Variants in PCDHGA4 observed in about 807,000 individuals in gnomAD.
PCDHGA4 encodes protocadherin gamma-A4.
A neutral mutation model predicts 54.6 loss-of-function variants in PCDHGA4; 38 were observed. The observed-to-expected ratio is 0.70, with a 90% CI of 0.54 to 0.91. The LOEUF is 0.91. PCDHGA4 is among the 40% of genes least tolerant of loss of function. The pLI, the probability that PCDHGA4 is intolerant of heterozygous loss-of-function variation, is 0.00. For synonymous variants in PCDHGA4, 511 were observed against 512.9 expected (o/e 1.00, Z 0.05); for missense variants, 1,298 against 1,220.9 (o/e 1.06, Z -0.94).
At chr5:141,392,005 T>A (rs1323895692) in intron 1 of PCDHGA4, 1 of 152,198 alleles carries the variant, frequency 6.6e-6, no homozygotes, top group African/African-American at 2.4e-5. Context: ...AAAACTGCAA[T>A]GGTAAAAGCA....
At chr5:141,429,848 C>T (rs567448097) in intron 1 of PCDHGA4, among the ~76,000 whole-genome samples, 25 of 152,228 alleles carry the variant, frequency 1.6e-4, no homozygotes, top group African/African-American at 5.8e-4. Context: ...AAGTCTGTAA[C>T]ATTCTTTGGA....
intron 1 of PCDHGA4, chr5:141,422,964 G>A: frequency 1.2e-6 from 2 of 1,614,190 alleles, no homozygotes; most frequent in Non-Finnish European, 1.7e-6. Flanking sequence ...TGGAGCTGGC[G>A]CCCCGCTCTG....
intron 1 of PCDHGA4, chr5:141,414,452 T>C (rs767824112): frequency 6.2e-7 from 1 of 1,613,886 alleles, no homozygotes. Flanking sequence ...AATATCACAG[T>C]GACAGCCACA....
chr5:141,401,512 A>G (rs556332375), intron 1 of PCDHGA4, among the ~76,000 whole-genome samples: 2 of 152,374 alleles, frequency 1.3e-5, no homozygotes, highest in South Asian at 4.1e-4. Context: ...CCACCTCTAT[A>G]TAATTACCAG....
At chr5:141,360,937 G>C (rs1430087223) in intron 1 of PCDHGA4, 2 of 1,613,962 alleles carry the variant, frequency 1.2e-6, no homozygotes, top group Admixed American at 1.7e-5. Context: ...GACAGCCACC[G>C]ACCGGGATGA....
chr5:141,366,146 T>C, intron 1 of PCDHGA4: 1 of 1,614,182 alleles, frequency 6.2e-7, no homozygotes, highest in South Asian at 1.1e-5. Flanking sequence ...CTGGCTGTCC[T>C]ACCGCCTGCT....
rs746088761 is a variant in PCDHGA4 at position 141,404,246 on chromosome 5, CT to C, written c.2514+46626del. 9.3e-6 allele frequency: 15 copies of C among 1,613,922 alleles called. 1 individual carries two copies. The highest frequency in any genetic ancestry group is 5.0e-5 in the Admixed American group (3 of 60,012). Reference sequence around the variant, plus strand: ...TGCAACAGACAGAGGAACTCCGCCCCTGTCCACAGAAATTCACATCACCCTG... The same window carrying C: ...TGCAACAGACAGAGGAACTCCGCCCCGTCCACAGAAATTCACATCACCCTG... On this transcript the variant is annotated intron_variant, in intron 1 of 3. Coordinates refer to ENST00000571252, the MANE Select transcript of PCDHGA4 (RefSeq NM_018917.4).
chr5:141,418,041 T>C lies in PCDHGA4; in HGVS notation c.2514+60420T>C, dbSNP rs764313049. The C allele has an allele frequency of 1.2e-6, 2 of 1,613,858 alleles. No individual in the cohort carries two copies. Among genetic ancestry groups the C allele is most frequent in the Non-Finnish European group, 1.7e-6 (2 of 1,179,856 alleles). On this transcript the variant is annotated intron_variant, in intron 1 of 3. Transcript: ENST00000571252. ...GATCTAGGGCTTAGTGTCCTGGATG[T>C]GTCGGCTCGCGAGCTGCGAGTGAGC... is the stretch of plus-strand genomic sequence containing the variant.
chr5:141,357,599 C>T lies in PCDHGA4; in HGVS notation c.2492C>T (p.Thr831Ile), dbSNP rs1279511012. 1 of 1,613,924 alleles carries T rather than the reference C, an allele frequency of 6.2e-7. No individual in the cohort carries two copies. Among genetic ancestry groups the T allele is most frequent in the African/African-American group, 1.3e-5 (1 of 74,924 alleles). Reference protein sequence around the residue: ...PLLITQDLLETKGDPNLQQAP... With the variant: ...PLLITQDLLEIKGDPNLQQAP... ...CTGATAACTCAGGATTTACTTGAAA[C>T]AAAAGGAGACCCTAATCTTCAGGTG... The change falls in exon 1 of 4, where the codon ACA becomes ATA. Residue 831 changes from threonine to isoleucine, a missense_variant. Thr to Ile is a moderately conservative substitution (Grantham distance 89). Coordinates refer to ENST00000571252, the MANE Select transcript of PCDHGA4 (RefSeq NM_018917.4).
chr5:141,375,241 C>G (rs774856817), intron 1 of PCDHGA4: 20 of 1,613,942 alleles, frequency 1.2e-5, no homozygotes, highest in Non-Finnish European at 1.7e-5. Context: ...CCTGTTCCAT[C>G]CCGAGAAGTC....
chr5:141,418,869 T>A (rs1261615662), intron 1 of PCDHGA4: 1 of 1,613,830 alleles, frequency 6.2e-7, no homozygotes, highest in Non-Finnish European at 8.5e-7. Flanking sequence ...ATTGTAGAAG[T>A]TGTAGACGAA....
At chr5:141,397,304 A>G (rs1206880219) in intron 1 of PCDHGA4, among the ~76,000 whole-genome samples, 2 of 152,202 alleles carry the variant, frequency 1.3e-5, no homozygotes, top group Non-Finnish European at 2.9e-5. Context: ...TATTTCCTGA[A>G]GTAGAAGAGT....
At chr5:141,428,002 T>G in intron 1 of PCDHGA4, 1 of 1,601,328 alleles carries the variant, frequency 6.2e-7, no homozygotes, top group Non-Finnish European at 8.5e-7. Context: ...TCCGCACTCT[T>G]CGATATAGTG....
chr5:141,356,423 G>A lies in PCDHGA4; in HGVS notation c.1316G>A (p.Arg439Lys), dbSNP rs760964193. ...AATTATTATCGGTTGTTGACACACA[G>A]AACACTGGACAGGGAAGAAGTCTCA... Reference protein sequence around the residue: ...YGNYYRLLTHRTLDREEVSEY... With the variant: ...YGNYYRLLTHKTLDREEVSEY... Residue 439 changes from arginine to lysine, a missense_variant, in exon 1 of 4, where the codon AGA becomes AAA. Coordinates refer to ENST00000571252, the MANE Select transcript of PCDHGA4 (RefSeq NM_018917.4). 1.0e-5 allele frequency: 16 copies of A among 1,606,564 alleles called. No homozygotes were observed. Among genetic ancestry groups the A allele is most frequent in the Non-Finnish European group, 1.4e-5 (16 of 1,175,920 alleles).
At chr5:141,415,344 G>A in intron 1 of PCDHGA4, 15 of 1,614,238 alleles carry the variant, frequency 9.3e-6, no homozygotes, top group Non-Finnish European at 1.3e-5. Flanking sequence ...TGCGGCGCTG[G>A]CACAAGTCAC....
intron 1 of PCDHGA4, chr5:141,383,078 C>G (rs749152940): frequency 2.5e-6 from 4 of 1,613,840 alleles, no homozygotes; most frequent in South Asian, 2.2e-5. Flanking sequence ...CGGGAGCTGG[C>G]GGAGCGCGGA....
chr5:141,413,425 C>T, intron 1 of PCDHGA4: 1 of 1,614,098 alleles, frequency 6.2e-7, no homozygotes, highest in Non-Finnish European at 8.5e-7. Flanking sequence ...TCTGAACCCG[C>T]GCAGCGGCAG....
At chr5:141,362,208 C>G in intron 1 of PCDHGA4, 1 of 1,614,074 alleles carries the variant, frequency 6.2e-7, no homozygotes, top group East Asian at 2.2e-5. Context: ...TGCAGTTTTA[C>G]CTGGTTGTGG....
At chr5:141,399,632 C>A in intron 1 of PCDHGA4, 2 of 1,613,894 alleles carry the variant, frequency 1.2e-6, no homozygotes, top group Non-Finnish European at 1.7e-6. Context: ...TCTTACGTGT[C>A]CATGAGCGCG....
Sources: allele counts gnomAD v4.1 joint callset (sites outside exome capture counted in the v4.1 genomes callset), GRCh38; gene constraint gnomAD v4.1.1; transcripts MANE v1.5; gene names NCBI Gene and HGNC (gene_info 2026-07-23, HGNC 2026-07-21).